The following CDH8 variants were observed in gnomAD, a reference collection of about 807,000 sequenced individuals.
The protein encoded by CDH8 is cadherin-8.
Under a neutral mutation model 68.1 loss-of-function variants are expected in CDH8, and 17 were observed. The ratio of observed to expected loss-of-function variants is 0.25; its 90% CI spans 0.17 to 0.37. The LOEUF (loss-of-function observed/expected upper bound fraction) is 0.37, where lower values mean the gene tolerates loss of function less well. Ranked by LOEUF, CDH8 falls within the 10% of genes least tolerant of loss-of-function variation. The pLI, the probability that CDH8 is intolerant of heterozygous loss-of-function variation, is 1.00. For missense variants in CDH8, 763 were observed against 999.3 expected (o/e 0.76, Z 3.19); for synonymous variants, 372 against 365.1 (o/e 1.02, Z -0.21).
chr16:61,946,443 C>T (rs774673026), intron 2 of CDH8, among the ~76,000 whole-genome samples: 2 of 152,112 alleles, frequency 1.3e-5, no homozygotes, highest in African/African-American at 2.4e-5. Flanking sequence ...GTTTTTACAC[C>T]TAGATGTAAA....
chr16:61,983,250 T>A (rs1260557284), intron 2 of CDH8, among the ~76,000 whole-genome samples: 1 of 152,200 alleles, frequency 6.6e-6, no homozygotes, highest in Non-Finnish European at 1.5e-5. Context: ...ACTCTCTTTT[T>A]GAGATTCACC....
intron 4 of CDH8, among the ~76,000 whole-genome samples, chr16:61,843,708 T>C (rs911145871): frequency 2.6e-5 from 4 of 152,204 alleles, no homozygotes; most frequent in Non-Finnish European, 5.9e-5. Flanking sequence ...TGCAAGTGTC[T>C]TTATAGCAGC....
At chr16:61,793,162 G>A (rs1450111781) in intron 7 of CDH8, among the ~76,000 whole-genome samples, 1 of 151,890 alleles carries the variant, frequency 6.6e-6, no homozygotes, top group Non-Finnish European at 1.5e-5. Context: ...CTGCAACCCA[G>A]AAGAGGGCCC....
intron 10 of CDH8, among the ~76,000 whole-genome samples, chr16:61,709,407 A>G (rs529673243): frequency 2.0e-5 from 3 of 152,116 alleles, no homozygotes; most frequent in East Asian, 1.9e-4. Flanking sequence ...TCAGCTGGAG[A>G]AAAGAGGAAG....
intron 4 of CDH8, 32 bp downstream of exon 4, chr16:61,857,087 G>A: frequency 6.2e-7 from 1 of 1,611,602 alleles, no homozygotes; most frequent in Non-Finnish European, 8.5e-7. Flanking sequence ...GCAAAAACAT[G>A]GCAAATATAA....
chr16:61,761,934 G>A (rs968891267), intron 8 of CDH8, among the ~76,000 whole-genome samples: 4 of 152,114 alleles, frequency 2.6e-5, no homozygotes, highest in Admixed American at 2.0e-4. Flanking sequence ...TACAGGTGTT[G>A]AGGCTACAGT....
chr16:61,951,964 G>A (rs568235615), intron 2 of CDH8, among the ~76,000 whole-genome samples: 184 of 152,298 alleles, frequency 1.2e-3, no homozygotes, highest in Non-Finnish European at 2.0e-3. Context: ...TAAGCTAATA[G>A]AAAACTTTGA....
intron 2 of CDH8, among the ~76,000 whole-genome samples, chr16:61,967,784 G>A (rs899320417): frequency 1.3e-5 from 2 of 152,172 alleles, no homozygotes; most frequent in Admixed American, 6.5e-5. Context: ...TACGACAGTT[G>A]AATTTAAATT....
intron 8 of CDH8, among the ~76,000 whole-genome samples, chr16:61,745,992 C>T (rs1256571592): frequency 6.6e-6 from 1 of 151,982 alleles, no homozygotes; most frequent in Non-Finnish European, 1.5e-5. Context: ...AATTTGATAC[C>T]ACTAAGACCG....
intron 2 of CDH8, among the ~76,000 whole-genome samples, chr16:62,011,565 G>T (rs1206052618): frequency 6.6e-6 from 1 of 152,156 alleles, no homozygotes; most frequent in African/African-American, 2.4e-5. Flanking sequence ...AAAAAAGCAT[G>T]ATTTGACCCA....
At chr16:61,670,618 A>G (rs893615022) in intron 10 of CDH8, among the ~76,000 whole-genome samples, 6 of 152,182 alleles carry the variant, frequency 3.9e-5, no homozygotes, top group African/African-American at 1.2e-4. Context: ...ACATAGAATT[A>G]TTACTTGTTG....
chr16:61,919,984 G>A (rs1229313362), intron 2 of CDH8, among the ~76,000 whole-genome samples: 2 of 151,970 alleles, frequency 1.3e-5, no homozygotes, highest in African/African-American at 4.8e-5. Context: ...ACAAACCTGA[G>A]ACAAACAAGC....
Position 61,706,312 on chromosome 16 carries a change from G to A in CDH8, c.1654+7529C>T, listed in dbSNP as rs1023595727. Among the ~76,000 whole-genome samples the A allele has an allele frequency of 1.1e-4, 16 of 152,154 alleles. 1 individual carries two copies. Among genetic ancestry groups the A allele is most frequent in the Non-Finnish European group, 5.9e-5 (4 of 68,026 alleles). On this transcript the variant is annotated intron_variant, in intron 10 of 11. Coordinates refer to ENST00000577390, the MANE Select transcript of CDH8 (RefSeq NM_001796.5). ...TGGGAATTTCAAAGGGGAAGCGAGA[G>A]GGGATTTAAAAAGTGTAACTGGCGG...
intron 2 of CDH8, among the ~76,000 whole-genome samples, chr16:61,944,030 T>G (rs996082388): frequency 3.9e-5 from 6 of 152,216 alleles, no homozygotes; most frequent in Non-Finnish European, 7.3e-5. Flanking sequence ...CCTTTTAGAC[T>G]GGGTTTGCAT....
chr16:61,782,129 C>A (rs1034106031), intron 8 of CDH8, among the ~76,000 whole-genome samples: 1 of 152,148 alleles, frequency 6.6e-6, no homozygotes, highest in Non-Finnish European at 1.5e-5. Context: ...CAGCTCCCAG[C>A]GTGAGCGACG....
intron 2 of CDH8, among the ~76,000 whole-genome samples, chr16:61,978,589 A>G (rs1965480542): frequency 6.6e-6 from 1 of 152,036 alleles, no homozygotes; most frequent in Admixed American, 6.6e-5. Flanking sequence ...ACTATTGGCC[A>G]TCTATTGCAT....
chr16:61,894,112 T>C (rs966621190), intron 3 of CDH8, among the ~76,000 whole-genome samples: 9 of 152,158 alleles, frequency 5.9e-5, no homozygotes, highest in Admixed American at 1.3e-4. Flanking sequence ...ACTTCCTTCA[T>C]GAAGTGATCA....
intron 8 of CDH8, among the ~76,000 whole-genome samples, chr16:61,737,535 G>C (rs1959731028): frequency 6.6e-6 from 1 of 152,040 alleles, no homozygotes; most frequent in Non-Finnish European, 1.5e-5. Flanking sequence ...TCAATAGTGG[G>C]GTTAAGCTCT....
intron 2 of CDH8, among the ~76,000 whole-genome samples, chr16:61,987,723 A>T (rs1361169135): frequency 6.6e-6 from 1 of 151,782 alleles, no homozygotes; most frequent in African/African-American, 2.4e-5. Flanking sequence ...CTCATATTAT[A>T]ATCGTATGAT....
Sources: gnomAD v4.1 joint callset for allele counts (sites outside exome capture counted in the v4.1 genomes callset) on GRCh38, gnomAD v4.1.1 for gene constraint, MANE v1.5 for transcripts, NCBI Gene and HGNC (gene_info 2026-07-23, HGNC 2026-07-21) for gene names.